The following SIPA1L1 variants were observed in gnomAD, a reference collection of about 807,000 sequenced individuals.
SIPA1L1 encodes the protein signal-induced proliferation-associated 1-like protein 1.
A neutral mutation model predicts 162.7 loss-of-function variants in SIPA1L1; 26 were observed. The ratio of observed to expected loss-of-function variants is 0.16; its 90% CI spans 0.12 to 0.22. SIPA1L1 has a LOEUF of 0.22. Among genes scored for constraint, SIPA1L1 ranks in the 10% least tolerant of loss-of-function variants. The probability of loss-of-function intolerance (pLI) is 1.00; values close to 1 mark genes in which losing one functional copy is unlikely to be tolerated. For missense variants in SIPA1L1, 1,874 were observed against 2,241.0 expected, an observed-to-expected ratio of 0.84 and a Z score of 3.31; for synonymous variants, 829 against 837.4, an observed-to-expected ratio of 0.99 and a Z score of 0.17.
At chr14:71,723,266 T>G (rs1314742857) in intron 17 of SIPA1L1, among the ~76,000 whole-genome samples, 1 of 152,154 alleles carries the variant, frequency 6.6e-6, no homozygotes, top group African/African-American at 2.4e-5. Flanking sequence ...AATCCCTAGT[T>G]GTGAGGAAAG....
intron 17 of SIPA1L1, among the ~76,000 whole-genome samples, chr14:71,717,060 C>T (rs374982443): frequency 5.9e-5 from 9 of 152,244 alleles, no homozygotes; most frequent in South Asian, 2.1e-4. Context: ...CCTTCACGCC[C>T]GGCTAATTTC....
chr14:71,513,621 A>AGCTGGGACTAAAGGCACGTGCC (rs2051395090), intron 3 of SIPA1L1, among the ~76,000 whole-genome samples: 1 of 152,096 alleles, frequency 6.6e-6, no homozygotes, highest in Admixed American at 6.5e-5. Context: ...CCTCCCAGGT[A>AGCTGGGACTAAAGGCACGTGCC]GCTGGGACTA....
chr14:71,485,289 C>A (rs568379877), intron 2 of SIPA1L1, among the ~76,000 whole-genome samples: 49 of 152,300 alleles, frequency 3.2e-4, no homozygotes, highest in African/African-American at 1.2e-3. Context: ...GGTCTCCAAC[C>A]CCCGGACCAC....
chr14:71,708,394 G>A (rs536954909), intron 16 of SIPA1L1, among the ~76,000 whole-genome samples: 10 of 149,394 alleles, frequency 6.7e-5, no homozygotes, highest in East Asian at 2.0e-4. Context: ...GCACAATCTC[G>A]GCTCACTGTA....
chr14:71,480,092 T>A (rs1033312330), intron 2 of SIPA1L1, among the ~76,000 whole-genome samples: 6 of 151,666 alleles, frequency 4.0e-5, no homozygotes, highest in Non-Finnish European at 7.4e-5. Context: ...GTTTTTTGTT[T>A]TTTTTTTTGA....
chr14:71,670,123 G>A (rs1216632347), intron 10 of SIPA1L1, among the ~76,000 whole-genome samples: 2 of 152,044 alleles, frequency 1.3e-5, no homozygotes, highest in East Asian at 1.9e-4. Context: ...AGCGATCTTC[G>A]ATGTGTTAGA....
At position 71,624,177 on chromosome 14, in the gene SIPA1L1, C is replaced by A. The variant is rs759926707; in HGVS notation, c.1759C>A (p.Arg587=). 23 of 1,614,020 alleles carry A rather than the reference C, an allele frequency of 1.4e-5. No individual in the cohort carries two copies. The change falls in exon 7 of 24, where the codon CGG becomes AGG. Residue 587 remains arginine (R), a synonymous_variant. Coordinates refer to ENST00000381232, the MANE Select transcript of SIPA1L1 (RefSeq NM_001386936.1). ...TCCTGAGCTCAATGTCCAGTGCCTG[C>A]GGTTGGCCTTCAACACACCCAAGGT... ...VVPELNVQCL[R]LAFNTPKVTE...
intron 2 of SIPA1L1, among the ~76,000 whole-genome samples, chr14:71,394,769 A>T (rs2041046501): frequency 6.6e-6 from 1 of 152,256 alleles, no homozygotes; most frequent in South Asian, 2.1e-4. Flanking sequence ...TACCATCTAA[A>T]GTTAAGATAA....
chr14:71,535,416 T>C (rs1280619267), intron 4 of SIPA1L1, among the ~76,000 whole-genome samples: 1 of 152,216 alleles, frequency 6.6e-6, no homozygotes, highest in Admixed American at 6.5e-5. Context: ...AGCATGAATT[T>C]TCCTCTTGAT....
intron 2 of SIPA1L1, among the ~76,000 whole-genome samples, chr14:71,458,224 C>CT (rs1227431811): frequency 6.6e-6 from 1 of 152,058 alleles, no homozygotes; most frequent in African/African-American, 2.4e-5. Context: ...TTTTTGCTTA[C>CT]TTTATTATTG....
chr14:71,410,509 C>T (rs1021922441), intron 2 of SIPA1L1, among the ~76,000 whole-genome samples: 2 of 152,054 alleles, frequency 1.3e-5, no homozygotes, highest in Non-Finnish European at 2.9e-5. Context: ...TGCTTGGGAC[C>T]GGAAGTGTTT....
intron 2 of SIPA1L1, among the ~76,000 whole-genome samples, chr14:71,371,999 A>G (rs1041020464): frequency 2.0e-5 from 3 of 152,216 alleles, no homozygotes; most frequent in African/African-American, 7.2e-5. Context: ...GTTGAAACAA[A>G]TCTGATGAAC....
At chr14:71,379,146 T>C (rs1180767333) in intron 2 of SIPA1L1, among the ~76,000 whole-genome samples, 5 of 152,216 alleles carry the variant, frequency 3.3e-5, no homozygotes, top group Non-Finnish European at 5.9e-5. Flanking sequence ...TTCCCAGTTA[T>C]GTGTTGCTTT....
chr14:71,669,968 A>G (rs1391176975), intron 10 of SIPA1L1, among the ~76,000 whole-genome samples: 1 of 152,194 alleles, frequency 6.6e-6, no homozygotes, highest in Non-Finnish European at 1.5e-5. Flanking sequence ...AAAAAAGTGA[A>G]ACAGAGCTCT....
At chr14:71,675,423 A>G (rs1192529380) in intron 12 of SIPA1L1, among the ~76,000 whole-genome samples, 1 of 152,162 alleles carries the variant, frequency 6.6e-6, no homozygotes, top group Non-Finnish European at 1.5e-5. Flanking sequence ...GAAAAGCCAT[A>G]CAGTTTCCAT....
chr14:71,624,350 A>C (rs1205330207), intron 7 of SIPA1L1, 114 bp downstream of exon 7: 3 of 871,728 alleles, frequency 3.4e-6, no homozygotes, highest in Non-Finnish European at 5.0e-6. Flanking sequence ...TTTTATTGTG[A>C]AAGACACTCT....
intron 7 of SIPA1L1, among the ~76,000 whole-genome samples, chr14:71,629,315 C>T (rs1029582512): frequency 6.6e-6 from 1 of 152,128 alleles, no homozygotes; most frequent in African/African-American, 2.4e-5. Context: ...TTAATTAATC[C>T]TCAGAATGCT....
chr14:71,738,189 A>AAACC, intron 22 of SIPA1L1, 52 bp from the exon 23 acceptor site: 1 of 960,606 alleles, frequency 1.0e-6, no homozygotes, highest in Non-Finnish European at 1.5e-6. Flanking sequence ...AAAAAAAACA[A>AAACC]ACCCAGCCAT....
At chr14:71,491,761 A>ACACACAC (rs2049277691) in intron 2 of SIPA1L1, among the ~76,000 whole-genome samples, 4 of 97,878 alleles carry the variant, frequency 4.1e-5, no homozygotes, top group South Asian at 9.7e-4. Flanking sequence ...TTTTATTTCA[A>ACACACAC]ACACACACAC....
Sources: allele counts gnomAD v4.1 joint callset (sites outside exome capture counted in the v4.1 genomes callset), GRCh38; gene constraint gnomAD v4.1.1; transcripts MANE v1.5; gene names NCBI Gene and HGNC (gene_info 2026-07-23, HGNC 2026-07-21).